Variants in PLD5 observed in about 807,000 individuals in gnomAD.
PLD5 encodes the protein phospholipase D family member 5.
In PLD5, 36 loss-of-function variants were observed where a neutral mutation model predicts 61.1. The ratio of observed to expected loss-of-function variants is 0.59; its 90% CI spans 0.45 to 0.78. The LOEUF is 0.78. PLD5 is among the 30% of genes least tolerant of loss of function. The pLI, the probability that PLD5 is intolerant of heterozygous loss-of-function variation, is 0.00. For missense variants in PLD5, 515 were observed against 644.4 expected, an observed-to-expected ratio of 0.80 and a Z score of 2.17; for synonymous variants, 243 against 242.8, an observed-to-expected ratio of 1.00 and a Z score of -0.01.
At chr1:242,468,294 T>G (rs537670035) in intron 1 of PLD5, among the ~76,000 whole-genome samples, 232 of 152,332 alleles carry the variant, frequency 1.5e-3, no homozygotes, top group Middle Eastern at 6.8e-3. Context: ...GATGGTTAGA[T>G]CAACACCTAA....
At chr1:242,153,454 G>C (rs1014780103) in intron 5 of PLD5, among the ~76,000 whole-genome samples, 1 of 151,642 alleles carries the variant, frequency 6.6e-6, no homozygotes, top group Non-Finnish European at 1.5e-5. Context: ...GTATCGCCTA[G>C]GTTTTCTTCT....
intron 5 of PLD5, among the ~76,000 whole-genome samples, chr1:242,218,959 T>C (rs1670390955): frequency 6.6e-6 from 1 of 152,238 alleles, no homozygotes; most frequent in Admixed American, 6.5e-5. Context: ...ATTGAAACTG[T>C]TATTGTTGTT....
chr1:242,252,085 G>A (rs1399908054), intron 4 of PLD5, among the ~76,000 whole-genome samples: 2 of 152,148 alleles, frequency 1.3e-5, no homozygotes, highest in Non-Finnish European at 2.9e-5. Flanking sequence ...CTTTTCCTGT[G>A]TATGACGTAG....
Position 242,396,627 on chromosome 1 carries a change from C to G in PLD5, c.190-48385G>C, listed in dbSNP as rs375099686. The stretch of plus-strand genomic sequence containing the variant: ...CACTTCTCACACTTTGAAAATTTGT[C>G]TTTAGTTGGAAGCCAGCATGCTATT... On this transcript the variant is annotated intron_variant, in intron 1 of 9. Transcript: ENST00000536534. Among the ~76,000 whole-genome samples the G allele has an allele frequency of 7.5e-4, 113 of 149,790 alleles. 1 individual carries two copies. The highest frequency in any genetic ancestry group is 3.5e-3 in the Middle Eastern group (1 of 286).
At chr1:242,327,637 G>T (rs1658882183) in intron 2 of PLD5, among the ~76,000 whole-genome samples, 1 of 152,100 alleles carries the variant, frequency 6.6e-6, no homozygotes, top group South Asian at 2.1e-4. Flanking sequence ...AGGCAAAAAG[G>T]CCATCCTAAA....
chr1:242,273,675 A>C (rs2149116165), intron 3 of PLD5, among the ~76,000 whole-genome samples: 1 of 152,352 alleles, frequency 6.6e-6, no homozygotes, highest in East Asian at 1.9e-4. Flanking sequence ...CTTTGCAGAC[A>C]TTATTAAATT....
At chr1:242,180,064 T>C (rs893099131) in intron 5 of PLD5, among the ~76,000 whole-genome samples, 1 of 152,188 alleles carries the variant, frequency 6.6e-6, no homozygotes. Context: ...TATTTAAACA[T>C]AGCAGGGTAA....
intron 1 of PLD5, among the ~76,000 whole-genome samples, chr1:242,358,568 C>T (rs2149233420): frequency 6.6e-6 from 1 of 151,362 alleles, no homozygotes; most frequent in Non-Finnish European, 1.5e-5. Flanking sequence ...ACCAGCTAAG[C>T]CCTGCTATGA....
chr1:242,270,620 G>C (rs1283962349), intron 3 of PLD5, among the ~76,000 whole-genome samples: 4 of 152,198 alleles, frequency 2.6e-5, no homozygotes, highest in Non-Finnish European at 5.9e-5. Context: ...GCAGTGCTGG[G>C]GCTGAGGGAC....
At chr1:242,296,058 G>A (rs2841899) in intron 2 of PLD5, among the ~76,000 whole-genome samples, 8,821 of 152,140 alleles carry the variant, frequency 0.058, 295 homozygotes, top group Middle Eastern at 0.11. Flanking sequence ...ATCTGTTCCC[G>A]CTTCTGAGCA....
chr1:242,279,777 C>T (rs1262153007), intron 3 of PLD5, among the ~76,000 whole-genome samples: 1 of 152,178 alleles, frequency 6.6e-6, no homozygotes, highest in African/African-American at 2.4e-5. Context: ...CGTGATCCAC[C>T]CGCCTCAGCC....
At chr1:242,432,916 T>G (rs756689276) in intron 1 of PLD5, among the ~76,000 whole-genome samples, 1 of 152,158 alleles carries the variant, frequency 6.6e-6, no homozygotes, top group Non-Finnish European at 1.5e-5. Context: ...TTTTTCGGAT[T>G]TAAAATCACC....
chr1:242,481,145 C>T (rs796910526), intron 1 of PLD5, among the ~76,000 whole-genome samples: 6 of 152,220 alleles, frequency 3.9e-5, no homozygotes, highest in East Asian at 1.9e-4. Flanking sequence ...ATGCAGAAGA[C>T]GAATGATTTC....
chr1:242,527,382 C>T (rs1247380319), upstream of PLD5, among the ~76,000 whole-genome samples: 3 of 151,966 alleles, frequency 2.0e-5, no homozygotes, highest in Non-Finnish European at 4.4e-5. Flanking sequence ...GTGACCTGCC[C>T]GCCTCGGCCT....
chr1:242,386,965 C>A (rs970407758), intron 1 of PLD5, among the ~76,000 whole-genome samples: 3 of 152,078 alleles, frequency 2.0e-5, no homozygotes, highest in African/African-American at 7.2e-5. Context: ...TTACACCAAC[C>A]CTTTACTCTG....
At chr1:242,181,004 A>G (rs1667483101) in intron 5 of PLD5, among the ~76,000 whole-genome samples, 1 of 151,982 alleles carries the variant, frequency 6.6e-6, no homozygotes, top group Admixed American at 6.6e-5. Context: ...AAACAAACAA[A>G]CAAACAAAAA....
At chr1:242,263,856 T>C (rs777842530) in intron 4 of PLD5, among the ~76,000 whole-genome samples, 2 of 152,218 alleles carry the variant, frequency 1.3e-5, no homozygotes, top group African/African-American at 4.8e-5. Context: ...GTAGCAAATA[T>C]TCAGCAACTC....
intron 5 of PLD5, among the ~76,000 whole-genome samples, chr1:242,202,170 G>A (rs1669024162): frequency 6.6e-6 from 1 of 152,114 alleles, no homozygotes; most frequent in Non-Finnish European, 1.5e-5. Flanking sequence ...CTGAGATGGT[G>A]CCATTGCACT....
chr1:242,225,902 G>A (rs916789831), intron 4 of PLD5, among the ~76,000 whole-genome samples: 11 of 152,222 alleles, frequency 7.2e-5, no homozygotes, highest in African/African-American at 2.4e-4. Flanking sequence ...CTAGGAGTGA[G>A]ACTGCTGAGT....
Sources: gnomAD v4.1 joint callset for allele counts (sites outside exome capture counted in the v4.1 genomes callset) on GRCh38, gnomAD v4.1.1 for gene constraint, MANE v1.5 for transcripts, NCBI Gene and HGNC (gene_info 2026-07-23, HGNC 2026-07-21) for gene names.